The following EHMT1 variants were observed in gnomAD, a reference collection of about 807,000 sequenced individuals.
EHMT1 encodes the protein euchromatic histone lysine methyltransferase 1, also known as histone-lysine N-methyltransferase EHMT1.
In EHMT1, 15 loss-of-function variants were observed where a neutral mutation model predicts 147.2. The observed-to-expected ratio is 0.10, with a 90% CI of 0.07 to 0.16. The LOEUF (loss-of-function observed/expected upper bound fraction) is 0.16. Among genes scored for constraint, EHMT1 ranks in the 10% least tolerant of loss-of-function variants. The pLI is 1.00. For synonymous variants in EHMT1, 795 were observed against 709.6 expected (o/e 1.12, Z -1.91); for missense variants, 1,587 against 1,772.4 (o/e 0.90, Z 1.88).
At position 137,817,430 on chromosome 9, in the gene EHMT1, A is replaced by C. The variant is rs73578877; in HGVS notation, c.3375-9A>C. The C allele has an allele frequency of 0.028, 45,880 of 1,613,274 alleles. 10,098 individuals are homozygous for C. In the African/African-American group the frequency reaches 0.51, roughly 18 times the overall value. ...TGGCCTGGGTTCACCACTACTCTCT[A>C]TTTTTCAGGGCAAGGCTGCAGCTCT... On this transcript the variant is annotated splice_polypyrimidine_tract_variant and intron_variant, in intron 23 of 26. Coordinates refer to ENST00000460843, the MANE Select transcript of EHMT1 (RefSeq NM_024757.5).
At position 137,716,627 on chromosome 9, in the gene EHMT1, G is replaced by A; in HGVS notation, c.87G>A (p.Glu29=). ...TGACACTCGTTTCTTTGTTGGCAGA[G>A]ACACCTATGGCTGCCGATGAAGGCT... The part of the protein sequence containing the change: ...CCVKTELLGE[E]TPMAADEGSA... The change falls in exon 3 of 27, where the codon GAG becomes GAA. Residue 29 remains glutamate, a splice_region_variant and synonymous_variant. Coordinates refer to ENST00000460843, the MANE Select transcript of EHMT1 (RefSeq NM_024757.5). 1 of 1,552,660 alleles carries A rather than the reference G, an allele frequency of 6.4e-7. No homozygotes were observed. The highest frequency in any genetic ancestry group is 1.2e-5 in the South Asian group (1 of 81,452).
intron 1 of EHMT1, among the ~76,000 whole-genome samples, chr9:137,692,250 T>C: frequency 8.3e-6 from 1 of 120,728 alleles, no homozygotes; most frequent in Non-Finnish European, 1.8e-5. Context: ...TTTTTTCTTT[T>C]CTTTCTTTCT....
intron 1 of EHMT1, among the ~76,000 whole-genome samples, chr9:137,646,603 G>A (rs1844906291): frequency 6.6e-6 from 1 of 151,038 alleles, no homozygotes; most frequent in African/African-American, 2.4e-5. Flanking sequence ...AGGCCCACGT[G>A]CATGTGGGCT....
chr9:137,800,597 C>T (rs567370321), intron 17 of EHMT1: 13 of 499,460 alleles, frequency 2.6e-5, no homozygotes, highest in Middle Eastern at 5.6e-4. Context: ...GTGAGTGGTG[C>T]CCAACTGGGA....
chr9:137,642,129 T>C (rs1844535227), intron 1 of EHMT1, among the ~76,000 whole-genome samples: 1 of 152,140 alleles, frequency 6.6e-6, no homozygotes, highest in Non-Finnish European at 1.5e-5. Context: ...TGTGAGCCAC[T>C]GCGCCCGGCC....
intron 1 of EHMT1, among the ~76,000 whole-genome samples, 183 bp from the exon 2 acceptor site, chr9:137,710,784 T>C (rs1207285357): frequency 1.3e-5 from 2 of 152,188 alleles, no homozygotes; most frequent in Non-Finnish European, 2.9e-5. Flanking sequence ...CCTTGGACTG[T>C]GTTCTGAATG....
intron 1 of EHMT1, among the ~76,000 whole-genome samples, chr9:137,674,274 G>A (rs1399388726): frequency 6.6e-6 from 1 of 152,162 alleles, no homozygotes; most frequent in Non-Finnish European, 1.5e-5. Context: ...CCTCTCCATC[G>A]AGCCCTGTTC....
At chr9:137,682,222 A>G (rs1443033280) in intron 1 of EHMT1, among the ~76,000 whole-genome samples, 1 of 152,092 alleles carries the variant, frequency 6.6e-6, no homozygotes, top group Admixed American at 6.5e-5. Context: ...TGCTGGGATT[A>G]CAAGCGTGAG....
chr9:137,762,036 C>T (rs545144200), intron 9 of EHMT1, among the ~76,000 whole-genome samples: 19 of 152,210 alleles, frequency 1.2e-4, no homozygotes, highest in African/African-American at 4.1e-4. Flanking sequence ...TGTGCTGGGA[C>T]GGGCCCAAGG....
intron 1 of EHMT1, among the ~76,000 whole-genome samples, chr9:137,626,747 G>C (rs2133528918): frequency 6.6e-6 from 1 of 151,608 alleles, no homozygotes; most frequent in East Asian, 1.9e-4. Flanking sequence ...GTAGGGTGAT[G>C]GTTGGCTGCT....
At position 137,717,024 on chromosome 9, in the gene EHMT1, G is replaced by A. The variant is rs775347185; in HGVS notation, c.484G>A (p.Gly162Ser). The A allele has an allele frequency of 7.8e-5, 126 of 1,606,906 alleles. 1 individual carries two copies. The highest frequency in any genetic ancestry group is 1.0e-4 in the Non-Finnish European group (122 of 1,175,578). ...AKTLPGGAGK[G>S]RTPSAFPQTP... is the part of the protein sequence containing the mutation. ...AACCCTTCCTGGAGGGGCTGGCAAA[G>A]GCAGGACTCCAAGCGCTTTTCCCCA... is the stretch of plus-strand genomic sequence containing the variant. The change falls in exon 3 of 27, where the codon GGC (glycine) becomes AGC (serine). Residue 162 changes from glycine to serine, a missense_variant. Physicochemically the swap from Gly to Ser is moderately conservative, Grantham distance 56 (BLOSUM62 0). This residue lies in a region of EHMT1 where 810 missense variants were observed against 673.0 expected (regional missense o/e 1.20). Transcript: ENST00000460843.
At chr9:137,752,945 A>G (rs1949088636) in intron 7 of EHMT1, among the ~76,000 whole-genome samples, 1 of 152,074 alleles carries the variant, frequency 6.6e-6, no homozygotes, top group Non-Finnish European at 1.5e-5. Flanking sequence ...TGGAGGGAAG[A>G]GGGGTTCTGC....
rs568786438 is a variant in EHMT1 at position 137,650,601 on chromosome 9, A to C, written c.21+31552A>C. On this transcript the variant is annotated intron_variant, in intron 1 of 26. Transcript: ENST00000460843. ...TTTTAAATTGGGTTGTCTTTTTATT[A>C]ATGAGTTACAGATGTTCTTTATATA... 3.3e-5 allele frequency among the ~76,000 whole-genome samples: 5 copies of C among 150,912 alleles called. No homozygotes were observed. In the Middle Eastern group the frequency reaches 0.017, roughly 528 times the overall value.
intron 5 of EHMT1, 141 bp downstream of exon 5, chr9:137,743,669 G>A: frequency 1.5e-6 from 2 of 1,337,714 alleles, no homozygotes; most frequent in Non-Finnish European, 2.1e-6. Context: ...TAGGGGCAGA[G>A]TGTTCGTGTC....
At chr9:137,809,864 G>A (rs1346131466) in intron 18 of EHMT1, among the ~76,000 whole-genome samples, 2 of 148,952 alleles carry the variant, frequency 1.3e-5, no homozygotes, top group Non-Finnish European at 3.0e-5. Context: ...ATGCCGCCCT[G>A]TGTGGACCGT....
rs34385417 is a variant in EHMT1, at chr9:137,743,352, C to CT, written c.824-3dup. 0.017 allele frequency: 24,994 copies of CT among 1,465,872 alleles called. 4 individuals are homozygous for CT. The highest frequency in any genetic ancestry group is 0.019 in the Non-Finnish European group (20,392 of 1,098,636). The allele number at this position is 1,465,872 out of a possible 1,614,324, so 90.8% of individuals were successfully genotyped here. On this transcript the variant is annotated intron_variant, in intron 4 of 26. Transcript: ENST00000460843. ...CTTTTCCTTTCTTGTCCCCTTTTGACTTTTTTTTTTTTTTTTAGCTTGCTT... is the reference window on the plus strand; with the variant it reads ...CTTTTCCTTTCTTGTCCCCTTTTGACTTTTTTTTTTTTTTTTTAGCTTGCTT...
chr9:137,779,611 A>C, intron 13 of EHMT1, 24 bp from the exon 14 acceptor site: 1 of 1,613,196 alleles, frequency 6.2e-7, no homozygotes, highest in Non-Finnish European at 8.5e-7. Flanking sequence ...CCCCATGCTG[A>C]CTGTTGTCTT....
chr9:137,705,678 G>A (rs1944205830), intron 1 of EHMT1, among the ~76,000 whole-genome samples: 1 of 152,214 alleles, frequency 6.6e-6, no homozygotes, highest in Non-Finnish European at 1.5e-5. Flanking sequence ...CACGCGGAAG[G>A]GGAGGAGGGG....
intron 16 of EHMT1, among the ~76,000 whole-genome samples, chr9:137,792,699 C>CT (rs1952617279): frequency 6.6e-6 from 1 of 152,082 alleles, no homozygotes; most frequent in Admixed American, 6.5e-5. Context: ...GAGCGAAACT[C>CT]TGTTTCAAAA....
Sources: gnomAD v4.1 joint callset for allele counts (sites outside exome capture counted in the v4.1 genomes callset) on GRCh38, gnomAD v4.1.1 for gene constraint, gnomAD v4.1.1 regional missense constraint, MANE v1.5 for transcripts, NCBI Gene and HGNC (gene_info 2026-07-23, HGNC 2026-07-21) for gene names.